Variants in FRMD4B observed in about 807,000 individuals in gnomAD.
FRMD4B encodes the protein FERM domain-containing protein 4B.
FRMD4B carries 74 observed loss-of-function variants against 141.5 expected under a neutral mutation model. The observed-to-expected ratio is 0.52, with a 90% CI of 0.43 to 0.63. FRMD4B has a LOEUF of 0.63. Among genes scored for constraint, FRMD4B ranks in the 30% least tolerant of loss-of-function variants. FRMD4B has a pLI of 0.00. For synonymous variants in FRMD4B, 506 were observed against 467.9 expected, an observed-to-expected ratio of 1.08 and a Z score of -1.05; for missense variants, 1,366 against 1,253.4, an observed-to-expected ratio of 1.09 and a Z score of -1.36.
intron 1 of FRMD4B, among the ~76,000 whole-genome samples, chr3:69,489,237 C>G (rs1017526299): frequency 2.0e-5 from 3 of 150,388 alleles, no homozygotes; most frequent in African/African-American, 7.3e-5. Context: ...ATAGACATTT[C>G]TCCAAAGAAA....
At chr3:69,322,136 A>C (rs982968622) in intron 1 of FRMD4B, among the ~76,000 whole-genome samples, 3 of 152,242 alleles carry the variant, frequency 2.0e-5, no homozygotes, top group Admixed American at 2.0e-4. Context: ...TGTGTTATTA[A>C]ACTCCTCATC....
intron 11 of FRMD4B, among the ~76,000 whole-genome samples, chr3:69,213,615 C>T (rs1326378369): frequency 6.6e-6 from 1 of 150,956 alleles, no homozygotes; most frequent in Non-Finnish European, 1.5e-5. Context: ...CATGCTCTCT[C>T]ATTGTCCTCT....
At chr3:69,241,493 A>G (rs571557499) in intron 7 of FRMD4B, among the ~76,000 whole-genome samples, 1 of 152,342 alleles carries the variant, frequency 6.6e-6, no homozygotes, top group African/African-American at 2.4e-5. Context: ...TTGATTCATC[A>G]AAGGCCCGAC....
At chr3:69,179,770 G>A (rs138438549) in intron 21 of FRMD4B, among the ~76,000 whole-genome samples, 6 of 152,254 alleles carry the variant, frequency 3.9e-5, no homozygotes, top group East Asian at 1.9e-4. Flanking sequence ...ATTTCTTAGC[G>A]TTTTAAAATT....
At chr3:69,348,378 G>A (rs1703020070) in intron 1 of FRMD4B, among the ~76,000 whole-genome samples, 1 of 152,162 alleles carries the variant, frequency 6.6e-6, no homozygotes, top group African/African-American at 2.4e-5. Flanking sequence ...GGACCAGATG[G>A]ATTCACAGCC....
At chr3:69,258,709 CTGTCT>C (rs1470532792) in intron 5 of FRMD4B, among the ~76,000 whole-genome samples, 2 of 152,166 alleles carry the variant, frequency 1.3e-5, no homozygotes, top group East Asian at 3.9e-4. Flanking sequence ...TATTAACTCT[CTGTCT>C]TATCTACTAG....
rs571075068 is a variant in FRMD4B at position 69,263,501 on chromosome 3, G to A, written c.502-13402C>T. On this transcript the variant is annotated intron_variant, in intron 5 of 22. Coordinates refer to ENST00000398540, the MANE Select transcript of FRMD4B (RefSeq NM_015123.3). ...GGCTTACTGCAGCCTCGAACTCCTG[G>A]GCTCAAGTGATCTTCCCACCTCAGT... is the stretch of plus-strand genomic sequence containing the variant. 3.4e-4 allele frequency among the ~76,000 whole-genome samples: 50 copies of A among 148,174 alleles called. 3 individuals carry two copies. In the South Asian group the frequency reaches 9.8e-3, roughly 29 times the overall value.
At chr3:69,178,589 G>T (rs147831204) in intron 21 of FRMD4B, among the ~76,000 whole-genome samples, 1 of 151,596 alleles carries the variant, frequency 6.6e-6, no homozygotes, top group Non-Finnish European at 1.5e-5. Flanking sequence ...GGAGGATCGC[G>T]TTGAGCCAAG....
At chr3:69,468,160 GT>G (rs34707120) in intron 1 of FRMD4B, among the ~76,000 whole-genome samples, 32,470 of 151,628 alleles carry the variant, frequency 0.21, 3,963 homozygotes, top group Middle Eastern at 0.3. Flanking sequence ...TTTATTTAAA[GT>G]TTTTTTTTAA....
rs1446857044 is a variant in FRMD4B, at chr3:69,473,250, A to G, written c.-128-40489T>C. On this transcript the variant is annotated intron_variant, in intron 1 of 5. Transcript: ENST00000459638. ...CCATACCTCCAGCAAGCACTTATGT[A>G]TTCTTGGGCTTGACAAGGGTGAGGT... Among the ~76,000 whole-genome samples the G allele has an allele frequency of 2.0e-5, 3 of 152,090 alleles. No homozygotes were observed. In the South Asian group the frequency reaches 6.2e-4, roughly 31 times the overall value.
chr3:69,292,896 G>T, intron 4 of FRMD4B: 3 of 257,154 alleles, frequency 1.2e-5, no homozygotes, highest in South Asian at 6.8e-5. Context: ...GTTTTCTTAA[G>T]TTGAAGCCCA....
At position 69,425,699 on chromosome 3, in the gene FRMD4B, C is replaced by G. The variant is rs78198249; in HGVS notation, c.-1+6935G>C. Among the ~76,000 whole-genome samples, 562 of 152,264 alleles carry G rather than the reference C, an allele frequency of 3.7e-3. 2 individuals carry two copies. Among genetic ancestry groups the G allele is most frequent in the African/African-American group, 0.013 (522 of 41,554 alleles). On this transcript the variant is annotated intron_variant, in intron 2 of 5. Coordinates refer to the FRMD4B transcript ENST00000459638. Reference sequence around the variant, plus strand: ...TCAATCCTCACTGTGATGTTTTGCACTTGGTACAAAGTAGATGCACAATAA... The same window carrying G: ...TCAATCCTCACTGTGATGTTTTGCAGTTGGTACAAAGTAGATGCACAATAA...
At chr3:69,468,724 C>T (rs1189711631) in intron 1 of FRMD4B, among the ~76,000 whole-genome samples, 1 of 152,092 alleles carries the variant, frequency 6.6e-6, no homozygotes, top group Non-Finnish European at 1.5e-5. Context: ...AAGCTATTAC[C>T]AAAGATGACA....
At chr3:69,455,370 A>G (rs952254090) in intron 1 of FRMD4B, among the ~76,000 whole-genome samples, 5 of 152,196 alleles carry the variant, frequency 3.3e-5, no homozygotes, top group African/African-American at 1.2e-4. Flanking sequence ...CACTGCCTTT[A>G]TGAGCTGTAA....
intron 22 of FRMD4B, among the ~76,000 whole-genome samples, chr3:69,175,460 C>G (rs561215402): frequency 6.6e-6 from 1 of 152,284 alleles, no homozygotes; most frequent in African/African-American, 2.4e-5. Context: ...CAAAGAACTA[C>G]TTTTACAGAC....
At chr3:69,380,439 T>C (rs548711576) in intron 1 of FRMD4B, among the ~76,000 whole-genome samples, 1 of 152,324 alleles carries the variant, frequency 6.6e-6, no homozygotes, top group East Asian at 1.9e-4. Flanking sequence ...CAGTATTAAA[T>C]CCTTTACATA....
At chr3:69,422,116 G>A (rs535746650) in intron 2 of FRMD4B, among the ~76,000 whole-genome samples, 56 of 152,136 alleles carry the variant, frequency 3.7e-4, no homozygotes, top group African/African-American at 1.1e-3. Context: ...GGGGCCGGGC[G>A]TGGTGGCCCA....
At chr3:69,250,290 CGTGTGTGT>C (rs10526962) in intron 5 of FRMD4B, 191 bp from the exon 6 acceptor site, 77 of 418,734 alleles carry the variant, frequency 1.8e-4, no homozygotes, top group African/African-American at 5.4e-4. Flanking sequence ...ACTGTGTGTG[CGTGTGTGT>C]GTGTGTGTGT....
At chr3:69,199,287 C>A in intron 11 of FRMD4B, 1 of 153,374 alleles carries the variant, frequency 6.5e-6, no homozygotes, top group Non-Finnish European at 1.5e-5. Context: ...AAACAAGATT[C>A]ACATCACCAA....
Sources: gnomAD v4.1 joint callset for allele counts (sites outside exome capture counted in the v4.1 genomes callset) on GRCh38, gnomAD v4.1.1 for gene constraint, MANE v1.5 for transcripts, NCBI Gene and HGNC (gene_info 2026-07-23, HGNC 2026-07-21) for gene names.